Variants in KANK1 observed in about 807,000 individuals in gnomAD.
KANK1 encodes the protein KN motif and ankyrin repeat domains 1.
Under a neutral mutation model 106.2 loss-of-function variants are expected in KANK1, and 109 were observed. That is an observed-to-expected ratio of 1.03 (90% CI 0.88 to 1.20). KANK1 has a LOEUF of 1.20. Ranked by LOEUF, KANK1 falls within the 50% of genes most tolerant of loss-of-function variation. The probability of loss-of-function intolerance (pLI) is 0.00; values close to 1 mark genes in which losing one functional copy is unlikely to be tolerated. For missense variants in KANK1, 2,399 were observed against 1,710.7 expected, an observed-to-expected ratio of 1.40 and a Z score of -7.10; for synonymous variants, 873 against 652.2, an observed-to-expected ratio of 1.34 and a Z score of -5.16.
At chr9:684,934 C>G (rs771358681) in intron 2 of KANK1, among the ~76,000 whole-genome samples, 1 of 152,096 alleles carries the variant, frequency 6.6e-6, no homozygotes, top group Non-Finnish European at 1.5e-5. Context: ...ATTGGGTAGA[C>G]TTCTCTAATA....
chr9:732,612 A>C lies in KANK1; in HGVS notation c.3240A>C (p.Arg1080Ser). Residue 1080 changes from arginine (R) to serine (S), a missense_variant, in exon 6 of 12, where the codon AGA (arginine) becomes AGC (serine). Arg to Ser is a moderately radical substitution (Grantham distance 110). Coordinates refer to ENST00000382297, the MANE Select transcript of KANK1 (RefSeq NM_015158.5). Reference sequence around the variant, plus strand: ...GTGAACCTGAGAAGGTGGAAATCAGAGAGAGGTGTGGTACATTCCCCTTCC... The same window carrying C: ...GTGAACCTGAGAAGGTGGAAATCAGCGAGAGGTGTGGTACATTCCCCTTCC... Reference protein sequence around the residue: ...QECEPEKVEIRERYELSEKML... With the variant: ...QECEPEKVEISERYELSEKML... 6.2e-7 allele frequency: 1 copy of C among 1,613,980 alleles called. No individual in the cohort carries two copies. Among genetic ancestry groups the C allele is most frequent in the African/African-American group, 1.3e-5 (1 of 75,064 alleles).
At chr9:626,254 G>C (rs1175390202) in intron 1 of KANK1, among the ~76,000 whole-genome samples, 2 of 151,998 alleles carry the variant, frequency 1.3e-5, no homozygotes, top group African/African-American at 4.8e-5. Flanking sequence ...ATCTGAGGTC[G>C]GGAGTGACTG....
At chr9:644,565 T>C (rs1839232316) in intron 1 of KANK1, among the ~76,000 whole-genome samples, 1 of 150,562 alleles carries the variant, frequency 6.6e-6, no homozygotes, top group African/African-American at 2.5e-5. Flanking sequence ...AGAGAGGTGC[T>C]ACACGCTTTT....
chr9:744,377 A>C, intron 10 of KANK1, 114 bp from the exon 11 acceptor site: 1 of 1,203,842 alleles, frequency 8.3e-7, no homozygotes, highest in Non-Finnish European at 1.2e-6. Context: ...CCGAACGAGT[A>C]GGGATATTTG....
intron 1 of KANK1, among the ~76,000 whole-genome samples, chr9:659,532 C>T (rs528760996): frequency 2.0e-5 from 3 of 152,198 alleles, no homozygotes; most frequent in East Asian, 3.9e-4. Context: ...TCTTGTACTG[C>T]TATGAAGAAC....
Position 507,542 on chromosome 9 carries a change from A to G in KANK1, c.-84+2788A>G, listed in dbSNP as rs578063027. ...GTAGCTGGGATTACAGGCACCTGCCACCATGCCCGGCTAATTTTTTTTTTT... is the reference window on the plus strand; with the variant it reads ...GTAGCTGGGATTACAGGCACCTGCCGCCATGCCCGGCTAATTTTTTTTTTT... On this transcript the variant is annotated intron_variant, in intron 1 of 11. Transcript: ENST00000382297. Among the ~76,000 whole-genome samples the G allele has an allele frequency of 4.3e-4, 62 of 144,670 alleles. 1 individual carries two copies. The highest frequency in any genetic ancestry group is 1.4e-3 in the Admixed American group (21 of 14,674). 94.9% of individuals were successfully genotyped at this position (144,670 alleles called of 152,430 possible). A position where few individuals can be genotyped will look rare whatever the true frequency, so the allele number is the denominator to read the frequency against.
chr9:539,219 C>T (rs912980615), intron 1 of KANK1, among the ~76,000 whole-genome samples: 1 of 152,076 alleles, frequency 6.6e-6, no homozygotes, highest in African/African-American at 2.4e-5. Flanking sequence ...CATGTTTTTG[C>T]TCAAGAACGC....
intron 1 of KANK1, among the ~76,000 whole-genome samples, chr9:625,596 C>A (rs1834157067): frequency 1.3e-5 from 2 of 151,264 alleles, no homozygotes; most frequent in Non-Finnish European, 2.9e-5. Flanking sequence ...AAAAAAAAAA[C>A]AACATTGAGA....
At position 712,172 on chromosome 9, in the gene KANK1, T is replaced by A. The variant is rs1293943068; in HGVS notation, c.1406T>A (p.Ile469Asn). ...QQTIESLKEK[I>N]YRLEVQLRET... ...ACCATAGAATCCTTGAAGGAAAAGA[T>A]CTATCGCCTAGAAGTACAGCTTAGA... is the stretch of plus-strand genomic sequence containing the variant. Residue 469 changes from isoleucine to asparagine, a missense_variant, in exon 3 of 12, where the codon ATC becomes AAC. Physicochemically the swap from Ile to Asn is moderately radical, Grantham distance 149 (BLOSUM62 -3). Transcript: ENST00000382297. 2 of 1,613,910 alleles carry A rather than the reference T, an allele frequency of 1.2e-6. No homozygotes were observed. The highest frequency in any genetic ancestry group is 1.7e-5 in the Admixed American group (1 of 59,998).
chr9:716,963 A>G (rs964772563), intron 3 of KANK1, among the ~76,000 whole-genome samples: 1 of 151,122 alleles, frequency 6.6e-6, no homozygotes, highest in Non-Finnish European at 1.5e-5. Context: ...AGCCTGGGTG[A>G]CAGAATGAGA....
At chr9:549,323 C>G (rs1256102175) in intron 1 of KANK1, 1 of 152,280 alleles carries the variant, frequency 6.6e-6, no homozygotes, top group Non-Finnish European at 1.5e-5. Context: ...CTGACTGTGC[C>G]CTTTGGGAAA....
At chr9:620,760 C>G (rs1038453111) in intron 1 of KANK1, among the ~76,000 whole-genome samples, 12 of 151,834 alleles carry the variant, frequency 7.9e-5, no homozygotes, top group Non-Finnish European at 1.3e-4. Flanking sequence ...TTTTAAAAAC[C>G]AATTTTTAAA....
chr9:695,048 A>T (rs1240057034), intron 2 of KANK1, among the ~76,000 whole-genome samples: 1 of 152,182 alleles, frequency 6.6e-6, no homozygotes, highest in East Asian at 1.9e-4. Flanking sequence ...TATGAATCAC[A>T]TCACTGCATT....
intron 1 of KANK1, among the ~76,000 whole-genome samples, chr9:506,965 A>C (rs1312044528): frequency 6.6e-6 from 1 of 152,124 alleles, no homozygotes; most frequent in African/African-American, 2.4e-5. Context: ...TTTTTGTTGG[A>C]TAATGTGTGC....
intron 1 of KANK1, among the ~76,000 whole-genome samples, chr9:672,367 C>G (rs531512965): frequency 6.6e-6 from 1 of 152,276 alleles, no homozygotes; most frequent in Admixed American, 6.5e-5. Context: ...ATGCATTTTT[C>G]TCATATGGCC....
upstream of KANK1, among the ~76,000 whole-genome samples, chr9:501,609 G>A (rs1351997189): frequency 8.0e-6 from 1 of 125,266 alleles, no homozygotes; most frequent in African/African-American, 4.0e-5. Flanking sequence ...CCCACGCACA[G>A]ACATACACAC....
chr9:668,884 C>T (rs573608802), intron 1 of KANK1, among the ~76,000 whole-genome samples: 8 of 152,078 alleles, frequency 5.3e-5, no homozygotes, highest in African/African-American at 9.6e-5. Flanking sequence ...CTAGATCCTT[C>T]GCACTTGCAG....
chr9:513,322 TG>T (rs2059116621), intron 1 of KANK1, among the ~76,000 whole-genome samples: 1 of 152,248 alleles, frequency 6.6e-6, no homozygotes, highest in African/African-American at 2.4e-5. Flanking sequence ...GTGGATGTGC[TG>T]TCAGAAATAA....
intron 1 of KANK1, among the ~76,000 whole-genome samples, chr9:621,381 C>T (rs1833109029): frequency 6.6e-6 from 1 of 152,110 alleles, no homozygotes; most frequent in Non-Finnish European, 1.5e-5. Context: ...AGTCTGGTTT[C>T]AGTTCCACGT....
Sources: gnomAD v4.1 joint callset for allele counts (sites outside exome capture counted in the v4.1 genomes callset) on GRCh38, gnomAD v4.1.1 for gene constraint, MANE v1.5 for transcripts, NCBI Gene and HGNC (gene_info 2026-07-23, HGNC 2026-07-21) for gene names.